Variants in MTHFD2L observed in about 807,000 individuals in gnomAD.
The protein encoded by MTHFD2L is methylenetetrahydrofolate dehydrogenase (NADP+ dependent) 2 like, also known as bifunctional methylenetetrahydrofolate dehydrogenase/cyclohydrolase 2, mitochondrial.
In MTHFD2L, 29 loss-of-function variants were observed where a neutral mutation model predicts 34.9. That is an observed-to-expected ratio of 0.83 (90% CI 0.62 to 1.13). The LOEUF (loss-of-function observed/expected upper bound fraction) is 1.13. MTHFD2L is among the 50% of genes most tolerant of loss of function. The pLI is 0.00. For synonymous variants in MTHFD2L, 167 were observed against 155.7 expected (o/e 1.07, Z -0.54); for missense variants, 481 against 446.5 (o/e 1.08, Z -0.70).
At chr4:74,187,338 G>A (rs911291847) in intron 3 of MTHFD2L, among the ~76,000 whole-genome samples, 1 of 152,128 alleles carries the variant, frequency 6.6e-6, no homozygotes, top group African/African-American at 2.4e-5. Flanking sequence ...AAAGGTACAT[G>A]CATTTGGAAT....
intron 6 of MTHFD2L, chr4:74,267,897 C>T: frequency 1.0e-6 from 1 of 985,264 alleles, no homozygotes; most frequent in Non-Finnish European, 1.2e-6. Flanking sequence ...CAATATGGCA[C>T]AGAGCAGAGC....
At chr4:74,300,195 T>C (rs1750121318) in intron 7 of MTHFD2L, among the ~76,000 whole-genome samples, 1 of 152,054 alleles carries the variant, frequency 6.6e-6, no homozygotes, top group South Asian at 2.1e-4. Context: ...CAAATCATAG[T>C]ATTCTTATAT....
intron 6 of MTHFD2L, among the ~76,000 whole-genome samples, chr4:74,260,630 T>C (rs1439878500): frequency 1.3e-5 from 2 of 151,926 alleles, no homozygotes; most frequent in African/African-American, 4.8e-5. Context: ...ATCATTTGTG[T>C]CTTGTGAAGT....
chr4:74,176,367 C>G (rs1407119370), intron 3 of MTHFD2L, among the ~76,000 whole-genome samples: 1 of 152,018 alleles, frequency 6.6e-6, no homozygotes, highest in Non-Finnish European at 1.5e-5. Context: ...CTAGGTTTCT[C>G]TTGTCTTTGT....
At chr4:74,252,725 A>G (rs1743489855) in intron 6 of MTHFD2L, among the ~76,000 whole-genome samples, 1 of 152,146 alleles carries the variant, frequency 6.6e-6, no homozygotes, top group Non-Finnish European at 1.5e-5. Flanking sequence ...AGAAATAAGT[A>G]TCTAGAAAAC....
chr4:74,165,122 C>A, intron 1 of MTHFD2L: 1 of 275,078 alleles, frequency 3.6e-6, no homozygotes, highest in Non-Finnish European at 5.5e-6. Context: ...TTTGGAATAT[C>A]TATTGGCTTA....
intron 5 of MTHFD2L, among the ~76,000 whole-genome samples, chr4:74,210,682 G>A (rs190740004): frequency 6.6e-5 from 10 of 152,126 alleles, no homozygotes; most frequent in Admixed American, 5.2e-4. Flanking sequence ...CGGGCTTTTT[G>A]TTGGTTCCAT....
rs574586318 is a variant in MTHFD2L at position 74,210,043 on chromosome 4, G to GT, written c.712+8679dup. On this transcript the variant is annotated intron_variant, in intron 5 of 7. Transcript: ENST00000325278. ...CCTTCACCCACTTTTTGATGGGCTTGTTTTTTCTTTCTTTTAAATTTAAGT... is the reference window on the plus strand; with the variant it reads ...CCTTCACCCACTTTTTGATGGGCTTGTTTTTTTCTTTCTTTTAAATTTAAGT... 1.6e-3 allele frequency among the ~76,000 whole-genome samples: 247 copies of GT among 152,200 alleles called. 1 individual carries two copies. The highest frequency in any genetic ancestry group is 5.9e-3 in the African/African-American group (244 of 41,552).
At chr4:74,252,350 A>G (rs1039307766) in intron 6 of MTHFD2L, among the ~76,000 whole-genome samples, 8 of 152,244 alleles carry the variant, frequency 5.3e-5, no homozygotes, top group Non-Finnish European at 8.8e-5. Context: ...AGGATGAGAT[A>G]TCTCGGGGGT....
At position 74,210,922 on chromosome 4, in the gene MTHFD2L, C is replaced by T. The variant is rs1236584128; in HGVS notation, c.712+9552C>T. Among the ~76,000 whole-genome samples the T allele has an allele frequency of 2.0e-5, 3 of 151,952 alleles. 1 individual carries two copies. Among genetic ancestry groups the T allele is most frequent in the Admixed American group, 2.0e-4 (3 of 15,250 alleles). ...CTTCATATCCCTTTAAGTTGTATTC[C>T]TAGGTATTTTATTCTCTTTGAAGCA... On this transcript the variant is annotated intron_variant, in intron 5 of 7. Transcript: ENST00000325278.
In MTHFD2L at chr4:74,266,833, CTA is replaced by C. The variant is rs140506193; in HGVS notation, c.806-14591_806-14590del. ...TAAAGGTTGTAGGAGAAGGGAAAAT[CTA>C]AGACTGCATAAGAGGGGAATACTAG... On this transcript the variant is annotated intron_variant, in intron 6 of 7. Coordinates refer to ENST00000325278, the MANE Select transcript of MTHFD2L (RefSeq NM_001144978.3). The C allele has an allele frequency of 8.5e-4, 842 of 985,090 alleles. 8 individuals are homozygous for C. The African/African-American group carries it at 0.014, about 16-fold the overall frequency. The allele number at this position is 985,090 out of a possible 1,614,324, so 61.0% of individuals were successfully genotyped here. A position where few individuals can be genotyped will look rare whatever the true frequency, so the allele number is the denominator to read the frequency against.
intron 3 of MTHFD2L, among the ~76,000 whole-genome samples, chr4:74,191,246 A>G (rs1327568199): frequency 6.6e-6 from 1 of 152,134 alleles, no homozygotes; most frequent in Non-Finnish European, 1.5e-5. Context: ...CCCTACTGGT[A>G]ATATGGTAGA....
In MTHFD2L at chr4:74,143,589, C is replaced by T. The variant is rs1344010454; in HGVS notation, c.-296-16466C>T. The stretch of plus-strand genomic sequence containing the variant: ...TCTATTTTCCTACTTTCCTTTTATA[C>T]ATTTGAAGTAAGATTTTTCATGTCA... On this transcript the variant is annotated intron_variant, in intron 1 of 7. Coordinates refer to the MTHFD2L transcript ENST00000433372. The T allele has an allele frequency of 1.1e-4, 27 of 235,340 alleles. No homozygotes were observed. The Admixed American group carries it at 1.6e-3, about 14-fold the overall frequency. 14.6% of individuals were successfully genotyped at this position (235,340 alleles called of 1,614,324 possible).
chr4:74,187,919 A>G (rs942237169), intron 3 of MTHFD2L, among the ~76,000 whole-genome samples: 1 of 152,198 alleles, frequency 6.6e-6, no homozygotes, highest in African/African-American at 2.4e-5. Flanking sequence ...ATGAATGTTC[A>G]TAGAACCTTT....
chr4:74,152,464 T>C (rs1724000684), intron 1 of MTHFD2L, among the ~76,000 whole-genome samples: 2 of 152,164 alleles, frequency 1.3e-5, no homozygotes, highest in Admixed American at 6.6e-5. Flanking sequence ...TTACAGAAAA[T>C]ATGATTTGGA....
rs752152939 is a variant in MTHFD2L, at chr4:74,301,795, A to C, written c.1030A>C (p.Lys344Gln). 2.5e-6 allele frequency: 4 copies of C among 1,604,638 alleles called. No individual in the cohort carries two copies. Among genetic ancestry groups the C allele is most frequent in the Non-Finnish European group, 3.4e-6 (4 of 1,174,362 alleles). The change falls in exon 8 of 8, where the codon AAA (lysine) becomes CAA (glutamine). Residue 344 changes from lysine to glutamine, a missense_variant. Coordinates refer to ENST00000325278, the MANE Select transcript of MTHFD2L (RefSeq NM_001144978.3). ...GAAGAACACCCTTCTGGCAGCTAAA[A>C]AAATCATTTACTAGATCACATGAAA... The part of the protein sequence containing the change: ...LLKNTLLAAK[K>Q]IIY
chr4:74,161,394 G>A (rs1048163667), intron 1 of MTHFD2L: 2 of 152,068 alleles, frequency 1.3e-5, no homozygotes, highest in African/African-American at 4.8e-5. Context: ...CTTCTATTTA[G>A]TTGGCAAATG....
At chr4:74,224,423 T>G (rs1309865333) in intron 5 of MTHFD2L, among the ~76,000 whole-genome samples, 1 of 152,160 alleles carries the variant, frequency 6.6e-6, no homozygotes, top group Non-Finnish European at 1.5e-5. Flanking sequence ...CTGTAGAAAT[T>G]AGGTCTTCCA....
intron 1 of MTHFD2L, among the ~76,000 whole-genome samples, chr4:74,127,482 T>C (rs1332708426): frequency 6.6e-6 from 1 of 152,192 alleles, no homozygotes; most frequent in Non-Finnish European, 1.5e-5. Flanking sequence ...CTCCCACATA[T>C]GAGTGAGAAT....
Sources: gnomAD v4.1 joint callset for allele counts (sites outside exome capture counted in the v4.1 genomes callset) on GRCh38, gnomAD v4.1.1 for gene constraint, MANE v1.5 for transcripts, NCBI Gene and HGNC (gene_info 2026-07-23, HGNC 2026-07-21) for gene names.